ASTN2: variants seen among roughly 807,000 people sequenced by gnomAD.
ASTN2 encodes the protein astrotactin 2, also known as astrotactin-2.
In ASTN2, 54 loss-of-function variants were observed where a neutral mutation model predicts 139.8. The ratio of observed to expected loss-of-function variants is 0.39; its 90% confidence interval spans 0.31 to 0.48. The LOEUF (loss-of-function observed/expected upper bound fraction) is 0.48. Ranked by LOEUF, ASTN2 falls within the 20% of genes least tolerant of loss-of-function variation. ASTN2 has a pLI of 0.95. For missense variants in ASTN2, 1,565 were observed against 1,725.1 expected, an observed-to-expected ratio of 0.91 and a Z score of 1.64; for synonymous variants, 756 against 719.5, an observed-to-expected ratio of 1.05 and a Z score of -0.81.
At chr9:116,573,417 G>T (rs1216391779) in intron 19 of ASTN2, among the ~76,000 whole-genome samples, 1 of 152,122 alleles carries the variant, frequency 6.6e-6, no homozygotes, top group Non-Finnish European at 1.5e-5. Flanking sequence ...TTTCTCATGG[G>T]ATATCTCAGA....
intron 20 of ASTN2, among the ~76,000 whole-genome samples, chr9:116,476,092 G>T (rs1267674927): frequency 2.0e-5 from 3 of 152,092 alleles, no homozygotes; most frequent in Non-Finnish European, 4.4e-5. Flanking sequence ...GCATCCGCAG[G>T]GCCATGCTTC....
intron 1 of ASTN2, among the ~76,000 whole-genome samples, chr9:117,330,132 C>T (rs975587885): frequency 1.3e-5 from 2 of 152,160 alleles, no homozygotes; most frequent in African/African-American, 4.8e-5. Flanking sequence ...ATAAGGGAAG[C>T]TGATGGGGCT....
chr9:117,231,896 AGAGGCTGCT>A lies in ASTN2; in HGVS notation c.631-17163_631-17155del, dbSNP rs1832903362. Among the ~76,000 whole-genome samples, 3 of 152,298 alleles carry A rather than the reference AGAGGCTGCT, an allele frequency of 2.0e-5. No homozygotes were observed. In the South Asian group the frequency reaches 6.2e-4, roughly 32 times the overall value. Reference sequence around the variant, plus strand: ...TCTTCCTTGTTCTCTGTCCCGACCTAGAGGCTGCTGACTTGGGCTGTCAGAGGGCCACTA... The same window carrying A: ...TCTTCCTTGTTCTCTGTCCCGACCTAGACTTGGGCTGTCAGAGGGCCACTA... On this transcript the variant is annotated intron_variant, in intron 2 of 22. Transcript: ENST00000313400.
intron 1 of ASTN2, among the ~76,000 whole-genome samples, chr9:117,320,681 A>G (rs1477066469): frequency 6.6e-6 from 1 of 152,068 alleles, no homozygotes; most frequent in Non-Finnish European, 1.5e-5. Flanking sequence ...CACTCTGGGG[A>G]GCATTCACGG....
intron 16 of ASTN2, among the ~76,000 whole-genome samples, chr9:116,670,615 G>A (rs1859139618): frequency 6.6e-6 from 1 of 152,186 alleles, no homozygotes; most frequent in Non-Finnish European, 1.5e-5. Flanking sequence ...TCTTACAGAT[G>A]TCAGTTGATG....
chr9:117,248,343 G>A (rs931498651), intron 2 of ASTN2, among the ~76,000 whole-genome samples: 2 of 152,318 alleles, frequency 1.3e-5, no homozygotes, highest in Non-Finnish European at 2.9e-5. Context: ...ACTTGCTTAA[G>A]TGGAATCGAA....
intron 1 of ASTN2, among the ~76,000 whole-genome samples, chr9:117,352,710 C>T (rs1487400625): frequency 6.6e-6 from 1 of 152,124 alleles, no homozygotes; most frequent in Admixed American, 6.5e-5. Context: ...CTCAGAGAAA[C>T]TAAGCAAATT....
At chr9:116,786,513 C>A (rs1009316173) in intron 13 of ASTN2, among the ~76,000 whole-genome samples, 1 of 152,118 alleles carries the variant, frequency 6.6e-6, no homozygotes, top group African/African-American at 2.4e-5. Context: ...TCTGGTTACT[C>A]TTATTACTAC....
At chr9:117,077,043 G>A (rs1163452202) in intron 5 of ASTN2, among the ~76,000 whole-genome samples, 1 of 152,042 alleles carries the variant, frequency 6.6e-6, no homozygotes, top group Non-Finnish European at 1.5e-5. Context: ...CTAATCGCCC[G>A]GCTGTTGCCC....
rs947847549 is a variant in ASTN2, at chr9:116,795,568, A to G, written c.2396+10064T>C. Among the ~76,000 whole-genome samples the G allele has an allele frequency of 2.6e-5, 4 of 152,346 alleles. No homozygotes were observed. In the South Asian group the frequency reaches 8.3e-4, roughly 32 times the overall value. Reference sequence around the variant, plus strand: ...TTCCCATGACCCTCACCCCCAGAGCATGAAGGGCTGAGCTTCTGCCCCTAT... The same window carrying G: ...TTCCCATGACCCTCACCCCCAGAGCGTGAAGGGCTGAGCTTCTGCCCCTAT... On this transcript the variant is annotated intron_variant, in intron 13 of 22. Coordinates refer to ENST00000313400, the MANE Select transcript of ASTN2 (RefSeq NM_001365068.1).
intron 18 of ASTN2, among the ~76,000 whole-genome samples, chr9:116,619,356 T>C (rs181567839): frequency 6.4e-4 from 97 of 152,164 alleles, no homozygotes; most frequent in African/African-American, 2.1e-3. Context: ...CATATGCTGT[T>C]CCTTCTGCCT....
chr9:117,286,054 A>G (rs1040144340), intron 2 of ASTN2, among the ~76,000 whole-genome samples: 2 of 152,258 alleles, frequency 1.3e-5, no homozygotes, highest in Non-Finnish European at 2.9e-5. Flanking sequence ...AAAACAAGAC[A>G]CATCACATTA....
chr9:116,530,803 C>T (rs1283382104), intron 19 of ASTN2, among the ~76,000 whole-genome samples: 1 of 152,094 alleles, frequency 6.6e-6, no homozygotes, highest in Non-Finnish European at 1.5e-5. Context: ...TTCATAGCAC[C>T]TCTCATGATT....
At chr9:116,568,985 A>C (rs1259767307) in intron 19 of ASTN2, 2 of 152,106 alleles carry the variant, frequency 1.3e-5, no homozygotes, top group Non-Finnish European at 2.9e-5. Flanking sequence ...TGAAAGAAAA[A>C]TGATAGGGTC....
intron 1 of ASTN2, among the ~76,000 whole-genome samples, chr9:117,382,471 C>T (rs560040379): frequency 2.1e-4 from 32 of 152,270 alleles, no homozygotes; most frequent in South Asian, 1.0e-3. Flanking sequence ...CTGTTTAGGA[C>T]GGGAAATTAA....
At chr9:116,667,782 T>C (rs575012592) in intron 16 of ASTN2, among the ~76,000 whole-genome samples, 9 of 152,298 alleles carry the variant, frequency 5.9e-5, no homozygotes, top group South Asian at 2.1e-4. Context: ...ACAGAAAAAC[T>C]GAAATGAAGG....
rs1256681435 is a variant in ASTN2, at chr9:116,496,818, T to A, written c.3356-9318A>T. Among the ~76,000 whole-genome samples, 3 of 152,200 alleles carry A rather than the reference T, an allele frequency of 2.0e-5. No homozygotes were observed. The East Asian group carries it at 5.8e-4, about 29-fold the overall frequency. On this transcript the variant is annotated intron_variant, in intron 19 of 22. Transcript: ENST00000313400. ...TTACGTGGTGGCAGGCAAGAGAGCT[T>A]GTGCAGGGGAACTGTCCTTTATAAA...
intron 19 of ASTN2, chr9:116,585,317 G>T (rs1854104104): frequency 6.6e-6 from 1 of 152,172 alleles, no homozygotes; most frequent in Non-Finnish European, 1.5e-5. Context: ...GGAAGAATTT[G>T]TGAAAATGTA....
At chr9:116,499,195 G>A (rs1299988779) in intron 19 of ASTN2, among the ~76,000 whole-genome samples, 2 of 151,998 alleles carry the variant, frequency 1.3e-5, no homozygotes, top group Non-Finnish European at 2.9e-5. Context: ...CTCTTTATTT[G>A]CTTTTTATTA....
Sources: allele counts gnomAD v4.1 joint callset (sites outside exome capture counted in the v4.1 genomes callset), GRCh38; gene constraint gnomAD v4.1.1; transcripts MANE v1.5; gene names NCBI Gene and HGNC (gene_info 2026-07-23, HGNC 2026-07-21).